The following IFI44 variants were observed in gnomAD, a reference collection of about 807,000 sequenced individuals.
The protein encoded by IFI44 is interferon-induced protein 44.
IFI44 carries 42 observed loss-of-function variants against 45.0 expected under a neutral mutation model. The ratio of observed to expected loss-of-function variants is 0.93; its 90% CI spans 0.73 to 1.21. The LOEUF (loss-of-function observed/expected upper bound fraction) is 1.21, where lower values mean the gene tolerates loss of function less well. IFI44 is among the 50% of genes most tolerant of loss of function. IFI44 has a pLI of 0.00. For synonymous variants in IFI44, 221 were observed against 188.6 expected (o/e 1.17, Z -1.41); for missense variants, 623 against 525.8 (o/e 1.18, Z -1.81).
At chr1:78,653,100 T>TATGAG (rs1396773059) in intron 2 of IFI44, among the ~76,000 whole-genome samples, 2 of 152,104 alleles carry the variant, frequency 1.3e-5, no homozygotes, top group African/African-American at 4.8e-5. Context: ...TCAATTACTA[T>TATGAG]ATTAATTTAT....
intron 6 of IFI44, among the ~76,000 whole-genome samples, chr1:78,660,273 T>C (rs1337929659): frequency 1.3e-5 from 2 of 152,150 alleles, no homozygotes; most frequent in African/African-American, 4.8e-5. Context: ...ATCAGTAATA[T>C]TGCAGCATAA....
chr1:78,661,434 T>A (rs1647445418), intron 7 of IFI44, among the ~76,000 whole-genome samples: 1 of 152,156 alleles, frequency 6.6e-6, no homozygotes, highest in South Asian at 2.1e-4. Context: ...GAAGGCTAAC[T>A]GTCTATCTTT....
Position 78,655,428 on chromosome 1 carries a change from CTG to C in IFI44, c.758_759del (p.Leu253ArgfsTer4), listed in dbSNP as rs1475830401. On this transcript the variant is annotated frameshift_variant, in exon 5 of 9. Coordinates refer to ENST00000370747, the MANE Select transcript of IFI44 (RefSeq NM_006417.5). LOFTEE classifies it high-confidence loss of function. The stretch of plus-strand genomic sequence containing the variant: ...CCTGCCGTTTATTCTGTGTGACTCA[CTG>C]GGGCTGAGTGAGAAAGAAGGCGGCC... ...KYLPFILCDS[L>X]GLSEKEGGLC... 2 of 1,613,540 alleles carry C rather than the reference CTG, an allele frequency of 1.2e-6. No homozygotes were observed. Among genetic ancestry groups the C allele is most frequent in the Non-Finnish European group, 1.7e-6 (2 of 1,179,666 alleles).
At position 78,654,118 on chromosome 1, in the gene IFI44, G is replaced by T; in HGVS notation, c.458-125G>T. On this transcript the variant is annotated intron_variant, in intron 2 of 8. Transcript: ENST00000370747. The stretch of plus-strand genomic sequence containing the variant: ...CAAAATTGCTCCCTTTTCACCATAC[G>T]GGACCATTCTCATGGAAAGGCTATT... 4.4e-6 allele frequency: 3 copies of T among 683,070 alleles called. No homozygotes were observed. The East Asian group carries it at 8.0e-5, about 18-fold the overall frequency. 42.3% of individuals were successfully genotyped at this position (683,070 alleles called of 1,614,324 possible).
intron 5 of IFI44, among the ~76,000 whole-genome samples, chr1:78,657,596 T>C (rs1046834064): frequency 6.6e-6 from 1 of 152,138 alleles, no homozygotes; most frequent in African/African-American, 2.4e-5. Context: ...TGACATTCTA[T>C]ATTATTCTTT....
intron 2 of IFI44, 103 bp from the exon 3 acceptor site, chr1:78,654,140 T>C: frequency 1.4e-6 from 1 of 739,994 alleles, no homozygotes; most frequent in South Asian, 1.5e-5. Context: ...ATGGAAAGGC[T>C]ATTTTTGTAT....
At position 78,661,969 on chromosome 1, in the gene IFI44, G is replaced by A. The variant is rs186499943; in HGVS notation, c.1114-735G>A. Among the ~76,000 whole-genome samples, 739 of 152,272 alleles carry A rather than the reference G, an allele frequency of 4.9e-3. 13 individuals carry two copies. Among genetic ancestry groups the A allele is most frequent in the Non-Finnish European group, 1.3e-3 (91 of 68,022 alleles). ...AATGGGCAAGGAACATTTGCATGAA[G>A]TAATTTTATTTAATTAGGAGCATTA... On this transcript the variant is annotated intron_variant, in intron 7 of 8. Transcript: ENST00000370747.
At chr1:78,662,540 T>C (rs961910086) in intron 7 of IFI44, 164 bp from the exon 8 acceptor site, 12 of 594,342 alleles carry the variant, frequency 2.0e-5, no homozygotes, top group Admixed American at 6.0e-5. Flanking sequence ...TAGAACTTGA[T>C]ATGTGAAGTT....
chr1:78,657,348 C>A (rs993896091), intron 5 of IFI44, among the ~76,000 whole-genome samples: 1 of 151,996 alleles, frequency 6.6e-6, no homozygotes, highest in Non-Finnish European at 1.5e-5. Flanking sequence ...TAGACTTCTA[C>A]GTAATCTGAA....
rs1326349624 is a variant in IFI44, at chr1:78,655,120, A to G, written c.601A>G (p.Ser201Gly). The G allele has an allele frequency of 2.5e-6, 4 of 1,614,006 alleles. No individual in the cohort carries two copies. The highest frequency in any genetic ancestry group is 2.5e-6 in the Non-Finnish European group (3 of 1,179,902). ...LLGPIGAGKS[S>G]FFNSVRSVFQ... The stretch of plus-strand genomic sequence containing the variant: ...GGGTCCAATTGGAGCTGGGAAGTCC[A>G]GCTTTTTCAACTCAGTGAGGTCTGT... Residue 201 changes from serine to glycine, a missense_variant, in exon 4 of 9, where the codon AGC (serine) becomes GGC (glycine). Ser to Gly is a moderately conservative substitution (Grantham distance 56). Coordinates refer to ENST00000370747, the MANE Select transcript of IFI44 (RefSeq NM_006417.5).
chr1:78,654,444 T>TA (rs547157685), intron 3 of IFI44, among the ~76,000 whole-genome samples, 165 bp downstream of exon 3: 4 of 151,844 alleles, frequency 2.6e-5, no homozygotes, highest in South Asian at 2.1e-4. Flanking sequence ...ATATTAATGT[T>TA]AAAAAAAAGG....
chr1:78,655,927 A>T (rs926896121), intron 5 of IFI44, among the ~76,000 whole-genome samples: 1 of 152,158 alleles, frequency 6.6e-6, no homozygotes, highest in African/African-American at 2.4e-5. Flanking sequence ...CTAGTCCTCA[A>T]TGTGATGGTA....
chr1:78,659,480 G>A lies in IFI44; in HGVS notation c.1009G>A (p.Ala337Thr), dbSNP rs772213340. ...AAGAATTCGAAGGGAGTTGGTAAACGCTGGTGAGTCTCATTCCACTTTGCT... is the reference window on the plus strand; with the variant it reads ...AAGAATTCGAAGGGAGTTGGTAAACACTGGTGAGTCTCATTCCACTTTGCT... ...IKRIRRELVNAGVVHVALLTH... is the reference protein window; with the variant it reads ...IKRIRRELVNTGVVHVALLTH... The change falls in exon 6 of 9, where the codon GCT (alanine) becomes ACT (threonine). Residue 337 changes from alanine to threonine, a missense_variant. Transcript: ENST00000370747. The A allele has an allele frequency of 1.2e-5, 19 of 1,610,342 alleles. No homozygotes were observed. The highest frequency in any genetic ancestry group is 2.7e-5 in the African/African-American group (2 of 74,850).
intron 3 of IFI44, 122 bp from the exon 4 acceptor site, chr1:78,654,892 T>C: frequency 4.0e-6 from 3 of 747,794 alleles, no homozygotes; most frequent in East Asian, 3.0e-5. Context: ...ATGTCTTTCA[T>C]GTAAGAAGTC....
chr1:78,657,333 T>A (rs1473574714), intron 5 of IFI44, among the ~76,000 whole-genome samples: 1 of 152,100 alleles, frequency 6.6e-6, no homozygotes, highest in Non-Finnish European at 1.5e-5. Flanking sequence ...AATCTAGTTG[T>A]TTTGTAGACT....
chr1:78,653,553 T>A (rs577798355), intron 2 of IFI44, among the ~76,000 whole-genome samples: 20 of 152,336 alleles, frequency 1.3e-4, no homozygotes, highest in Admixed American at 1.1e-3. Context: ...GCATCGCTTA[T>A]CCTTATCCTT....
rs1647189467 is a variant in IFI44, at chr1:78,655,351, C to G, written c.691-11C>G. On this transcript the variant is annotated splice_polypyrimidine_tract_variant and intron_variant, in intron 4 of 8. Coordinates refer to ENST00000370747, the MANE Select transcript of IFI44 (RefSeq NM_006417.5). ...AATGAATCTTTAAAATTGCTTTTCTCCCCTCTACAGTATAGGACATACTCT... is the reference window on the plus strand; with the variant it reads ...AATGAATCTTTAAAATTGCTTTTCTGCCCTCTACAGTATAGGACATACTCT... 6.3e-7 allele frequency: 1 copy of G among 1,584,248 alleles called. No individual in the cohort carries two copies.
At chr1:78,652,666 T>C (rs1381602761) in intron 2 of IFI44, among the ~76,000 whole-genome samples, 2 of 152,218 alleles carry the variant, frequency 1.3e-5, no homozygotes, top group South Asian at 2.1e-4. Flanking sequence ...TTCCTTTTCA[T>C]TCATATAGTA....
At chr1:78,659,513 A>G (rs1172832103) in intron 6 of IFI44, 30 bp downstream of exon 6, 2 of 1,572,694 alleles carry the variant, frequency 1.3e-6, no homozygotes, top group South Asian at 2.2e-5. Flanking sequence ...GCTAAGGGTA[A>G]TACCACTAAG....
Sources: allele counts gnomAD v4.1 joint callset (sites outside exome capture counted in the v4.1 genomes callset), GRCh38; gene constraint gnomAD v4.1.1; transcripts MANE v1.5; gene names NCBI Gene and HGNC (gene_info 2026-07-23, HGNC 2026-07-21).